Variants in COL23A1 observed in about 807,000 individuals in gnomAD.
COL23A1 encodes the protein collagen type XXIII alpha 1 chain.
COL23A1 carries 97 observed loss-of-function variants against 99.3 expected under a neutral mutation model. That is an observed-to-expected ratio of 0.98 (90% CI 0.83 to 1.16). The LOEUF (loss-of-function observed/expected upper bound fraction) is 1.16, where lower values mean the gene tolerates loss of function less well. Among genes scored for constraint, COL23A1 ranks in the 50% most tolerant of loss-of-function variants. The pLI is 0.00. For missense variants in COL23A1, 762 were observed against 757.4 expected, an observed-to-expected ratio of 1.01 and a Z score of -0.07; for synonymous variants, 320 against 308.2, an observed-to-expected ratio of 1.04 and a Z score of -0.40.
chr5:178,463,761 G>A (rs1364143364), intron 2 of COL23A1, among the ~76,000 whole-genome samples: 1 of 152,200 alleles, frequency 6.6e-6, no homozygotes, highest in Non-Finnish European at 1.5e-5. Flanking sequence ...GGGAACGGAC[G>A]TTTTGTTTAT....
In COL23A1 at chr5:178,338,716, G is replaced by A. The variant is rs73346828; in HGVS notation, c.362-31797C>T. 8.3e-3 allele frequency among the ~76,000 whole-genome samples: 1,264 copies of A among 151,900 alleles called. 21 individuals carry two copies. Among genetic ancestry groups the A allele is most frequent in the African/African-American group, 0.029 (1,200 of 41,406 alleles). On this transcript the variant is annotated intron_variant, in intron 2 of 28. Transcript: ENST00000390654. ...GTGGGAACCATGTACTTAAACTCCA[G>A]ATGATTTGGTTAATGGGGGGGTCCT...
chr5:178,456,484 A>G (rs900828739), intron 2 of COL23A1, among the ~76,000 whole-genome samples: 1 of 152,194 alleles, frequency 6.6e-6, no homozygotes, highest in African/African-American at 2.4e-5. Flanking sequence ...GGATCACCTG[A>G]GGTCGGGAGT....
intron 2 of COL23A1, among the ~76,000 whole-genome samples, chr5:178,530,190 G>A (rs901244957): frequency 2.0e-5 from 3 of 152,166 alleles, no homozygotes; most frequent in Non-Finnish European, 4.4e-5. Context: ...GGCCAGGTGT[G>A]GTGGCTCAAC....
intron 2 of COL23A1, among the ~76,000 whole-genome samples, chr5:178,486,669 A>T (rs1757649207): frequency 6.6e-6 from 1 of 152,214 alleles, no homozygotes; most frequent in African/African-American, 2.4e-5. Context: ...AGCCGGGTGA[A>T]AAAGGAAGGA....
intron 2 of COL23A1, among the ~76,000 whole-genome samples, chr5:178,357,987 TATGC>T (rs1761817367): frequency 6.6e-6 from 1 of 151,332 alleles, no homozygotes; most frequent in African/African-American, 2.4e-5. Flanking sequence ...TATATGTGTG[TATGC>T]GTGTGTGTAT....
intron 2 of COL23A1, among the ~76,000 whole-genome samples, chr5:178,538,485 T>G (rs1453800344): frequency 6.6e-6 from 1 of 152,254 alleles, no homozygotes; most frequent in African/African-American, 2.4e-5. Flanking sequence ...CATAAAAGTT[T>G]CCACACATTC....
intron 2 of COL23A1, among the ~76,000 whole-genome samples, chr5:178,368,404 G>T (rs954188102): frequency 2.0e-5 from 3 of 152,174 alleles, no homozygotes; most frequent in African/African-American, 7.2e-5. Flanking sequence ...ATCCCCACCA[G>T]AGGGTACGTC....
chr5:178,398,950 C>T (rs143862523), intron 2 of COL23A1, among the ~76,000 whole-genome samples: 9 of 152,330 alleles, frequency 5.9e-5, no homozygotes, highest in East Asian at 1.9e-4. Flanking sequence ...GGTAAACACA[C>T]GGGTGGAGAG....
intron 2 of COL23A1, among the ~76,000 whole-genome samples, chr5:178,559,752 G>A (rs993725864): frequency 6.8e-6 from 1 of 146,464 alleles, no homozygotes; most frequent in African/African-American, 2.6e-5. Flanking sequence ...CGAGAAGTCT[G>A]AGACACATCA....
chr5:178,322,781 G>A (rs72820931), intron 2 of COL23A1, among the ~76,000 whole-genome samples: 12,732 of 152,266 alleles, frequency 0.084, 576 homozygotes, highest in Middle Eastern at 0.15. Flanking sequence ...ACTAGGGACC[G>A]GGAGTTGGGT....
Position 178,402,297 on chromosome 5 carries a change from C to A in COL23A1, c.362-95378G>T, listed in dbSNP as rs186693209. On this transcript the variant is annotated intron_variant, in intron 2 of 28. Transcript: ENST00000390654. The stretch of plus-strand genomic sequence containing the variant: ...CTTGAGGCCGGGAGTTGGAGGCCAG[C>A]CTGGACAATGTGGTGAGACCCTGTC... Among the ~76,000 whole-genome samples the A allele has an allele frequency of 1.5e-4, 23 of 152,076 alleles. No homozygotes were observed. In the East Asian group the frequency reaches 4.4e-3, roughly 29 times the overall value.
chr5:178,358,562 GTA>G (rs775262204), intron 2 of COL23A1, among the ~76,000 whole-genome samples: 2,785 of 149,198 alleles, frequency 0.019, 61 homozygotes, highest in African/African-American at 0.055. Context: ...GTGTACGTGT[GTA>G]TGTCTAATGT....
chr5:178,245,333 C>CATCCATCCATCATTCATCTATT (rs1561783378), intron 25 of COL23A1, among the ~76,000 whole-genome samples: 70 of 147,740 alleles, frequency 4.7e-4, no homozygotes, highest in African/African-American at 1.7e-3. Flanking sequence ...TCCATCCATC[C>CATCCATCCATCATTCATCTATT]ATCCATCCAT....
At chr5:178,292,336 C>T (rs745875814) in intron 3 of COL23A1, among the ~76,000 whole-genome samples, 1 of 152,244 alleles carries the variant, frequency 6.6e-6, no homozygotes, top group Non-Finnish European at 1.5e-5. Flanking sequence ...GAGCCTGGCC[C>T]CATCTACGGT....
In COL23A1 at chr5:178,365,811, T is replaced by C. The variant is rs1762442364; in HGVS notation, c.362-58892A>G. Among the ~76,000 whole-genome samples the C allele has an allele frequency of 6.6e-6, 1 of 152,114 alleles. No individual in the cohort carries two copies. Among genetic ancestry groups the C allele is most frequent in the African/African-American group, 2.4e-5 (1 of 41,438 alleles). On this transcript the variant is annotated intron_variant, in intron 2 of 28. Coordinates refer to ENST00000390654, the MANE Select transcript of COL23A1 (RefSeq NM_173465.4). This position sits in a 1 kb window ranked among gnomAD's most constrained non-coding sequence, Gnocchi z 5.2. ...GACCTGGGAGGGGGCCCACTCCCCCTACCCTCAGCGCTGGGCACTGGCTTG... is the reference window on the plus strand; with the variant it reads ...GACCTGGGAGGGGGCCCACTCCCCCCACCCTCAGCGCTGGGCACTGGCTTG...
chr5:178,332,594 G>T (rs1760092304), intron 2 of COL23A1, among the ~76,000 whole-genome samples: 1 of 152,140 alleles, frequency 6.6e-6, no homozygotes, highest in Non-Finnish European at 1.5e-5. Flanking sequence ...AAACTCCGCT[G>T]CCTACAGGGA....
chr5:178,465,103 G>T (rs1490263923), intron 2 of COL23A1, among the ~76,000 whole-genome samples: 1 of 152,214 alleles, frequency 6.6e-6, no homozygotes, highest in African/African-American at 2.4e-5. Flanking sequence ...GGGGCCAGGG[G>T]TCTTATTAAG....
chr5:178,348,645 T>C (rs1171757433), intron 2 of COL23A1, among the ~76,000 whole-genome samples: 1 of 152,192 alleles, frequency 6.6e-6, no homozygotes, highest in East Asian at 1.9e-4. Flanking sequence ...CTGCAGAGCA[T>C]TCTGCCTCAG....
chr5:178,358,391 A>ATGTGTATGTGTATG (rs1442265734), intron 2 of COL23A1, among the ~76,000 whole-genome samples: 1 of 123,300 alleles, frequency 8.1e-6, no homozygotes, highest in African/African-American at 3.1e-5. Flanking sequence ...TAATGTGTGT[A>ATGTGTATGTGTATG]TGTGTATGTG....
Sources: gnomAD v4.1 joint callset for allele counts (sites outside exome capture counted in the v4.1 genomes callset) on GRCh38, gnomAD v4.1.1 for gene constraint, Gnocchi (gnomAD v3.1) non-coding constraint, MANE v1.5 for transcripts, NCBI Gene and HGNC (gene_info 2026-07-23, HGNC 2026-07-21) for gene names.